MPDZ: variants seen among roughly 807,000 people sequenced by gnomAD.
The protein encoded by MPDZ is multiple PDZ domain protein.
Under a neutral mutation model 239.1 loss-of-function variants are expected in MPDZ, and 234 were observed. That is an observed-to-expected ratio of 0.98 (90% CI 0.88 to 1.09). MPDZ has a LOEUF of 1.09. Among genes scored for constraint, MPDZ ranks in the 50% least tolerant of loss-of-function variants. The probability of loss-of-function intolerance (pLI) is 0.00; values close to 1 mark genes in which losing one functional copy is unlikely to be tolerated. For synonymous variants in MPDZ, 1,048 were observed against 881.3 expected (o/e 1.19, Z -3.35); for missense variants, 3,175 against 2,510.0 (o/e 1.26, Z -5.66).
intron 32 of MPDZ, among the ~76,000 whole-genome samples, chr9:13,131,211 G>C (rs1945950646): frequency 6.6e-6 from 1 of 152,092 alleles, no homozygotes; most frequent in African/African-American, 2.4e-5. Context: ...AATGGGGTTA[G>C]GAGTGCCAGG....
At chr9:13,228,424 G>C (rs1422033546) in intron 3 of MPDZ, among the ~76,000 whole-genome samples, 1 of 152,096 alleles carries the variant, frequency 6.6e-6, no homozygotes, top group African/African-American at 2.4e-5. Flanking sequence ...TACAGGAAAA[G>C]TCCTCTTATA....
chr9:13,212,570 T>C (rs1957749074), intron 10 of MPDZ, among the ~76,000 whole-genome samples: 1 of 151,700 alleles, frequency 6.6e-6, no homozygotes, highest in Non-Finnish European at 1.5e-5. Flanking sequence ...TTCCCCTTTA[T>C]CACAAGAGAG....
chr9:13,159,917 A>G (rs568868416), intron 23 of MPDZ, among the ~76,000 whole-genome samples: 1 of 152,276 alleles, frequency 6.6e-6, no homozygotes, highest in African/African-American at 2.4e-5. Flanking sequence ...GAAAGAAGTC[A>G]ATCAACTGCT....
At chr9:13,171,873 T>A (rs1308519481) in intron 21 of MPDZ, among the ~76,000 whole-genome samples, 3 of 152,154 alleles carry the variant, frequency 2.0e-5, no homozygotes, top group African/African-American at 7.2e-5. Flanking sequence ...AAGGGGAGAC[T>A]ATGAATCTAA....
In MPDZ at chr9:13,143,345, T is replaced by C. The variant is rs897268332; in HGVS notation, c.3840+121A>G. 5.4e-6 allele frequency: 4 copies of C among 739,564 alleles called. No individual in the cohort carries two copies. In the African/African-American group the frequency reaches 7.0e-5, roughly 13 times the overall value. 45.8% of individuals were successfully genotyped at this position (739,564 alleles called of 1,614,324 possible). On this transcript the variant is annotated intron_variant, in intron 27 of 46. Transcript: ENST00000319217. ...TGCCCACTCCAAACAGCTTTGTTTT[T>C]TTGTTTTTTTTTCCCTGCCCAAATG...
Position 13,107,045 on chromosome 9 carries a change from G to A in MPDZ, c.6133C>T (p.Leu2045=), listed in dbSNP as rs1037668419. The A allele has an allele frequency of 6.2e-7, 1 of 1,611,306 alleles. No individual in the cohort carries two copies. Among genetic ancestry groups the A allele is most frequent in the Non-Finnish European group, 8.5e-7 (1 of 1,178,030 alleles). ...GCTTCTTCATGGGTGACTCCTTCTA[G>A]ACTCTGCCCATTGACAGCAATGATC... ...DQIIAVNGQS[L]EGVTHEEAVA... is the part of the protein sequence containing the mutation. Residue 2045 remains leucine, a synonymous_variant, in exon 47 of 47, where the codon CTA becomes TTA. Coordinates refer to ENST00000319217, the MANE Select transcript of MPDZ (RefSeq NM_001378778.1).
chr9:13,147,830 T>C (rs1211133442), intron 25 of MPDZ, among the ~76,000 whole-genome samples, 172 bp from the exon 26 acceptor site: 1 of 152,086 alleles, frequency 6.6e-6, no homozygotes, highest in Admixed American at 6.6e-5. Context: ...TCCAGCAGAC[T>C]TGTGGTCCCT....
intron 14 of MPDZ, 116 bp from the exon 15 acceptor site, chr9:13,192,411 G>T: frequency 1.1e-6 from 1 of 885,148 alleles, no homozygotes; most frequent in Non-Finnish European, 1.7e-6. Context: ...AGTTTACTGT[G>T]CTCAGAACTA....
At chr9:13,260,562 C>A (rs372663866) in intron 1 of MPDZ, among the ~76,000 whole-genome samples, 4 of 152,118 alleles carry the variant, frequency 2.6e-5, no homozygotes, top group Non-Finnish European at 5.9e-5. Context: ...TATGTTGAAG[C>A]CCTAACTCCA....
rs182598038 is a variant in MPDZ, at chr9:13,106,034, G to C, written c.*931C>G. 38 of 152,176 alleles carry C rather than the reference G, an allele frequency of 2.5e-4. No homozygotes were observed. The highest frequency in any genetic ancestry group is 4.9e-4 in the Non-Finnish European group (33 of 67,994). The allele number at this position is 152,176 out of a possible 1,614,324, so 9.4% of individuals were successfully genotyped here. A position where few individuals can be genotyped will look rare whatever the true frequency, so the allele number is the denominator to read the frequency against. ...TAATGGCATACAACCAAAATAATTAGTAACACATTGTTCTCTGTCATTAAG... is the reference window on the plus strand; with the variant it reads ...TAATGGCATACAACCAAAATAATTACTAACACATTGTTCTCTGTCATTAAG... On this transcript the variant is annotated 3_prime_UTR_variant, in exon 47 of 47. Coordinates refer to ENST00000319217, the MANE Select transcript of MPDZ (RefSeq NM_001378778.1).
At chr9:13,178,033 T>C (rs959415747) in intron 19 of MPDZ, among the ~76,000 whole-genome samples, 5 of 152,116 alleles carry the variant, frequency 3.3e-5, no homozygotes, top group African/African-American at 9.7e-5. Context: ...CTTCATCTCC[T>C]GACCTCGTGA....
rs369500103 is a variant in MPDZ at position 13,106,953 on chromosome 9, C to G, written c.*12G>C. The G allele has an allele frequency of 3.7e-6, 6 of 1,612,930 alleles. No individual in the cohort carries two copies. The highest frequency in any genetic ancestry group is 1.7e-5 in the Admixed American group (1 of 59,980). ...AGCTAGGGGTTGGGTTGGTTCAATT[C>G]TGGCAGCCAATTCAAGAGAGAACCA... On this transcript the variant is annotated 3_prime_UTR_variant, in exon 47 of 47. Coordinates refer to ENST00000319217, the MANE Select transcript of MPDZ (RefSeq NM_001378778.1).
chr9:13,224,080 G>A lies in MPDZ; in HGVS notation c.393+294C>T, dbSNP rs185829341. 3.2e-4 allele frequency among the ~76,000 whole-genome samples: 48 copies of A among 151,384 alleles called. 1 individual carries two copies. Among genetic ancestry groups the A allele is most frequent in the Admixed American group, 3.0e-3 (45 of 15,152 alleles). On this transcript the variant is annotated intron_variant, in intron 4 of 46. Coordinates refer to ENST00000319217, the MANE Select transcript of MPDZ (RefSeq NM_001378778.1). ...TACTGCAGTAACAGTCATCTTATCA[G>A]AATCATTTCTTTGTTAAAAAAAAAA...
intron 28 of MPDZ, among the ~76,000 whole-genome samples, chr9:13,139,334 C>T (rs1041793254): frequency 1.3e-5 from 2 of 152,098 alleles, no homozygotes; most frequent in Non-Finnish European, 2.9e-5. Flanking sequence ...TAAATATTTT[C>T]CTGCAAAATG....
intron 19 of MPDZ, among the ~76,000 whole-genome samples, chr9:13,177,874 C>A (rs188351471): frequency 6.6e-6 from 1 of 152,248 alleles, no homozygotes; most frequent in Non-Finnish European, 1.5e-5. Context: ...TTGTTAGCTA[C>A]TGCTGTTATT....
intron 3 of MPDZ, among the ~76,000 whole-genome samples, chr9:13,246,594 TCTTGA>T (rs1033749611): frequency 7.2e-5 from 11 of 152,384 alleles, no homozygotes; most frequent in East Asian, 3.9e-4. Context: ...TGAAGATTCT[TCTTGA>T]CTTAACTTTT....
At position 13,123,285 on chromosome 9, in the gene MPDZ, T is replaced by G. The variant is rs368486865; in HGVS notation, c.4821A>C (p.Ser1607=). The change falls in exon 36 of 47, where the codon TCA becomes TCC. Residue 1607 remains serine, a synonymous_variant. Transcript: ENST00000319217. ...EPESIRNTSR[S]STPAIFASDP... ...CAGAAGCAAAAATTGCTGGTGTTGA[T>G]GATCTGCTTGTATCTAAAAATAAGT... 12 of 1,609,896 alleles carry G rather than the reference T, an allele frequency of 7.5e-6. No individual in the cohort carries two copies. The African/African-American group carries it at 1.5e-4, about 20-fold the overall frequency.
Position 13,188,973 on chromosome 9 carries a change from G to A in MPDZ, c.2175C>T (p.Ser725=), listed in dbSNP as rs754318120. The change falls in exon 17 of 47, where the codon AGC becomes AGT. Residue 725 remains serine (S), a synonymous_variant. Transcript: ENST00000319217. The part of the protein sequence containing the change: ...LDYQDPIDPA[S]TVIIIRSLVP... ...CCAAAGAACGAATTATAATCACAGT[G>A]CTTGCTGGATCAATTGGATCCTGAC... 6.2e-7 allele frequency: 1 copy of A among 1,612,910 alleles called. No homozygotes were observed. Among genetic ancestry groups the A allele is most frequent in the South Asian group, 1.1e-5 (1 of 91,042 alleles).
chr9:13,127,150 C>G (rs1945241800), intron 32 of MPDZ, among the ~76,000 whole-genome samples: 1 of 152,230 alleles, frequency 6.6e-6, no homozygotes, highest in South Asian at 2.1e-4. Flanking sequence ...CCCGCTTCTT[C>G]TCTGGCCTGT....
Sources: gnomAD v4.1 joint callset for allele counts (sites outside exome capture counted in the v4.1 genomes callset) on GRCh38, gnomAD v4.1.1 for gene constraint, MANE v1.5 for transcripts, NCBI Gene and HGNC (gene_info 2026-07-23, HGNC 2026-07-21) for gene names.